Variants in C12orf42 observed in about 807,000 individuals in gnomAD.
C12orf42 encodes the protein uncharacterized protein C12orf42.
C12orf42 carries 25 observed loss-of-function variants against 21.6 expected under a neutral mutation model. The observed-to-expected ratio is 1.16, with a 90% CI of 0.84 to 1.62. C12orf42 has a LOEUF of 1.62. C12orf42 is among the 40% of genes most tolerant of loss of function. The pLI, the probability that C12orf42 is intolerant of heterozygous loss-of-function variation, is 0.00. For missense variants in C12orf42, 483 were observed against 459.3 expected (o/e 1.05, Z -0.47); for synonymous variants, 174 against 175.0 (o/e 0.99, Z 0.05).
the C12orf42 span, among the ~76,000 whole-genome samples, chr12:103,123,868 T>A: frequency 2.0e-5 from 3 of 152,008 alleles, no homozygotes; most frequent in Admixed American, 2.0e-4. Context: ...GGCTCACATG[T>A]ACTCACATTA....
chr12:103,359,362 T>C (rs1157976929), intron 4 of C12orf42, among the ~76,000 whole-genome samples: 1 of 152,010 alleles, frequency 6.6e-6, no homozygotes, highest in African/African-American at 2.4e-5. Flanking sequence ...CTATAGAACA[T>C]TTCATCACCT....
the C12orf42 span, among the ~76,000 whole-genome samples, chr12:103,088,321 G>A: frequency 2.2e-4 from 33 of 152,198 alleles, no homozygotes; most frequent in Non-Finnish European, 3.7e-4. Flanking sequence ...TTTGTTGAAA[G>A]GAGGAATAGA....
At chr12:103,423,259 C>A (rs1328393298) in intron 2 of C12orf42, among the ~76,000 whole-genome samples, 2 of 152,254 alleles carry the variant, frequency 1.3e-5, no homozygotes, top group Middle Eastern at 3.4e-3. Context: ...GTGGGCCCTC[C>A]CCCCCTTGGC....
At chr12:103,479,442 A>T (rs1043952955) in intron 1 of C12orf42, among the ~76,000 whole-genome samples, 1 of 152,126 alleles carries the variant, frequency 6.6e-6, no homozygotes, top group Admixed American at 6.6e-5. Context: ...AGTAAATACT[A>T]ACACTCATGA....
At chr12:103,070,069 T>C in the C12orf42 span, among the ~76,000 whole-genome samples, 1 of 152,206 alleles carries the variant, frequency 6.6e-6, no homozygotes, top group East Asian at 1.9e-4. Flanking sequence ...ACTCCAATTT[T>C]ATTTCCTTGC....
chr12:103,384,256 A>C (rs1365714475), intron 3 of C12orf42, among the ~76,000 whole-genome samples: 5 of 150,438 alleles, frequency 3.3e-5, no homozygotes, highest in Non-Finnish European at 7.4e-5. Flanking sequence ...AGCGACATTC[A>C]AAAAAAAAGT....
chr12:103,382,317 C>T (rs149581480), intron 3 of C12orf42, among the ~76,000 whole-genome samples: 11 of 152,270 alleles, frequency 7.2e-5, no homozygotes, highest in East Asian at 1.9e-4. Context: ...AAAATGTCCA[C>T]GTCAGCATTG....
intron 2 of C12orf42, among the ~76,000 whole-genome samples, chr12:103,424,006 T>C (rs1306393576): frequency 1.3e-5 from 2 of 152,278 alleles, no homozygotes; most frequent in Non-Finnish European, 2.9e-5. Context: ...TCTGTTTATA[T>C]TTTTGTTATA....
At chr12:103,457,648 A>T (rs1952398049) in intron 2 of C12orf42, among the ~76,000 whole-genome samples, 1 of 152,156 alleles carries the variant, frequency 6.6e-6, no homozygotes, top group African/African-American at 2.4e-5. Context: ...CCTAAATAGC[A>T]ACTTAACTTT....
At chr12:103,489,785 C>T (rs556888436) in intron 1 of C12orf42, among the ~76,000 whole-genome samples, 2 of 152,332 alleles carry the variant, frequency 1.3e-5, no homozygotes, top group East Asian at 1.9e-4. Context: ...CCTGGTCTGC[C>T]GGTTGCTAAG....
the C12orf42 span, among the ~76,000 whole-genome samples, chr12:103,075,743 C>T: frequency 6.6e-6 from 1 of 152,160 alleles, no homozygotes; most frequent in Non-Finnish European, 1.5e-5. Flanking sequence ...GTCTGGATAG[C>T]ACCTTCTCAT....
At chr12:103,171,644 T>C in the C12orf42 span, among the ~76,000 whole-genome samples, 1 of 152,002 alleles carries the variant, frequency 6.6e-6, no homozygotes, top group African/African-American at 2.4e-5. Flanking sequence ...GAGAAGGAAA[T>C]TAAAGGCATT....
At chr12:103,277,087 G>A in intron 5 of C12orf42, 1 of 453,744 alleles carries the variant, frequency 2.2e-6, no homozygotes, top group Non-Finnish European at 4.4e-6. Context: ...GAAGATTGCT[G>A]GATACAAAAT....
At chr12:103,387,830 GC>G (rs2046741033) in intron 3 of C12orf42, among the ~76,000 whole-genome samples, 2 of 152,132 alleles carry the variant, frequency 1.3e-5, no homozygotes, top group African/African-American at 2.4e-5. Flanking sequence ...ACTGCGCTCT[GC>G]CATCATACCT....
At chr12:103,531,391 C>A in the C12orf42 span, among the ~76,000 whole-genome samples, 1 of 152,130 alleles carries the variant, frequency 6.6e-6, no homozygotes, top group Non-Finnish European at 1.5e-5. Context: ...TTCTTGCTAG[C>A]CCTACCCTTC....
At chr12:103,152,672 A>AT in the C12orf42 span, among the ~76,000 whole-genome samples, 1 of 152,064 alleles carries the variant, frequency 6.6e-6, no homozygotes, top group East Asian at 1.9e-4. Flanking sequence ...AACGACAATA[A>AT]TTTTTTTTCT....
chr12:103,092,338 C>T, the C12orf42 span, among the ~76,000 whole-genome samples: 15 of 152,146 alleles, frequency 9.9e-5, no homozygotes, highest in Non-Finnish European at 2.9e-5. Flanking sequence ...CTTACACACA[C>T]TCTTTTGTTA....
chr12:103,209,319 T>A, the C12orf42 span, among the ~76,000 whole-genome samples: 1 of 152,200 alleles, frequency 6.6e-6, no homozygotes, highest in South Asian at 2.1e-4. Context: ...ATTGATTATA[T>A]TAGGTGAGAA....
the C12orf42 span, chr12:103,504,834 G>C: frequency 1.3e-5 from 2 of 155,920 alleles, no homozygotes; most frequent in Non-Finnish European, 2.8e-5. Flanking sequence ...GGAACATCAG[G>C]AACTCAGAGG....
Sources: gnomAD v4.1 joint callset for allele counts (sites outside exome capture counted in the v4.1 genomes callset) on GRCh38, gnomAD v4.1.1 for gene constraint, MANE v1.5 for transcripts, NCBI Gene and HGNC (gene_info 2026-07-23, HGNC 2026-07-21) for gene names.